FAM9B: variants seen among roughly 807,000 people sequenced by gnomAD.
The protein encoded by FAM9B is family with sequence similarity 9 member B, also known as protein FAM9B.
In FAM9B, 18 loss-of-function variants were observed where a neutral mutation model predicts 16.6. The observed-to-expected ratio is 1.09, with a 90% confidence interval of 0.75 to 1.61. FAM9B has a LOEUF of 1.61. Ranked by LOEUF, FAM9B falls within the 40% of genes most tolerant of loss-of-function variation. The probability of loss-of-function intolerance (pLI) is 0.00; values close to 1 mark genes in which losing one functional copy is unlikely to be tolerated. For missense variants in FAM9B, 155 were observed against 136.0 expected (o/e 1.14, Z -0.70); for synonymous variants, 43 against 42.6 (o/e 1.01, Z -0.03).
intron 2 of FAM9B, 38 bp downstream of exon 2, chrX:9,032,921 C>A: frequency 8.3e-7 from 1 of 1,206,077 alleles, no homozygotes; most frequent in African/African-American, 1.7e-5. Flanking sequence ...TCCTCTTGGG[C>A]GTGCACCTTC....
At chrX:9,032,611 C>G in intron 2 of FAM9B, 150 bp from the exon 3 acceptor site, 1 of 900,006 alleles carries the variant, frequency 1.1e-6, no homozygotes, top group South Asian at 2.6e-5. Flanking sequence ...CATGGAATCA[C>G]CGGTTCCTGA....
intron 6 of FAM9B, 108 bp downstream of exon 6, chrX:9,029,199 C>G (rs1222416656): frequency 3.2e-6 from 2 of 633,099 alleles, no homozygotes; most frequent in African/African-American, 4.5e-5. Flanking sequence ...ACGGGCCCCC[C>G]TCTCTGGGCT....
chrX:9,029,501 T>C (rs1415666195), intron 5 of FAM9B, 83 bp from the exon 6 acceptor site: 74 of 592,302 alleles, frequency 1.2e-4, no homozygotes, highest in Non-Finnish European at 1.5e-4. Flanking sequence ...TGACTTGACA[T>C]AATTTATACT....
At chrX:9,033,222 C>T in intron 1 of FAM9B, 147 bp from the exon 2 acceptor site, 1 of 1,119,576 alleles carries the variant, frequency 8.9e-7, no homozygotes, top group Non-Finnish European at 1.2e-6. Context: ...ATGCCAGTGT[C>T]CCCTCCTGTC....
At position 9,032,870 on chromosome X, in the gene FAM9B, G is replaced by C. The variant is rs375803513; in HGVS notation, c.28+89C>G. On this transcript the variant is annotated intron_variant, in intron 2 of 8. Transcript: ENST00000327220. ...GAGCCACGAAGGGGCCTGGGGCCTC[G>C]GGCTGCCCCTGTGCCCCCAGCGCAG... 1.7e-5 allele frequency: 19 copies of C among 1,134,387 alleles called. No individual in the cohort carries two copies. In the East Asian group the frequency reaches 2.1e-4, roughly 13 times the overall value. 93.5% of individuals were successfully genotyped at this position (1,134,387 alleles called of 1,213,427 possible).
Position 9,029,442 on chromosome X carries a change from G to A in FAM9B, c.282-24C>T, listed in dbSNP as rs190526660. 2.4e-3 allele frequency: 2,537 copies of A among 1,036,480 alleles called. 3 individuals are homozygous for A. Among genetic ancestry groups the A allele is most frequent in the Non-Finnish European group, 2.9e-3 (2,159 of 742,531 alleles). The allele number at this position is 1,036,480 out of a possible 1,213,427, so 85.4% of individuals were successfully genotyped here. Reference sequence around the variant, plus strand: ...GCCTGTAACACATAATAAGTAACACGGTCATACGTCATAGAGAGATGAAAA... The same window carrying A: ...GCCTGTAACACATAATAAGTAACACAGTCATACGTCATAGAGAGATGAAAA... On this transcript the variant is annotated intron_variant, in intron 5 of 8. Transcript: ENST00000327220.
chrX:9,031,349 C>T (rs952395082), intron 4 of FAM9B: 1 of 111,678 alleles, frequency 9.0e-6, no homozygotes, highest in African/African-American at 3.3e-5. Flanking sequence ...ATATTTCACA[C>T]AGCAATATAA....
rs1484775023 is a variant in FAM9B, at chrX:9,029,362, A to T, written c.338T>A (p.Ile113Asn). The T allele has an allele frequency of 8.3e-7, 1 of 1,209,873 alleles. No individual in the cohort carries two copies. Among genetic ancestry groups the T allele is most frequent in the East Asian group, 3.0e-5 (1 of 33,808 alleles). ...LKLLNVLEEY[I>N]TDEQKEEEEE... is the part of the protein sequence containing the mutation. ...TTCTTCCTCTTTCTGCTCGTCTGTG[A>T]TGTATTCTTCAAGGACATTTAGCAA... Residue 113 changes from isoleucine (I) to asparagine (N), a missense_variant, in exon 6 of 9, where the codon ATC (isoleucine) becomes AAC (asparagine). Transcript: ENST00000327220.
chrX:9,034,059 A>C lies in FAM9B; in HGVS notation c.-297T>G. On this transcript the variant is annotated 5_prime_UTR_variant, in exon 1 of 9. Transcript: ENST00000327220. ...CCGTCCCAAAAAAAACAAAACAAAA[A>C]AACAAAAAAAAAGAAAAGTAAAGAA... 4.4e-6 allele frequency: 1 copy of C among 226,832 alleles called. No individual in the cohort carries two copies. The highest frequency in any genetic ancestry group is 6.4e-6 in the Non-Finnish European group (1 of 157,153). 18.7% of individuals were successfully genotyped at this position (226,832 alleles called of 1,213,427 possible). A position where few individuals can be genotyped will look rare whatever the true frequency, so the allele number is the denominator to read the frequency against.
chrX:9,032,516 A>AT lies in FAM9B; in HGVS notation c.29-56dup, dbSNP rs2146825444. ...TTTAGAGGAAGATGCTGCTGTGGAC[A>AT]TTTTTTGTGGAGAAATGTACTAGTT... On this transcript the variant is annotated intron_variant, in intron 2 of 8. Coordinates refer to ENST00000327220, the MANE Select transcript of FAM9B (RefSeq NM_205849.3). The AT allele has an allele frequency of 5.4e-6, 5 of 930,125 alleles. No individual in the cohort carries two copies. The South Asian group carries it at 6.9e-5, about 13-fold the overall frequency. 76.7% of individuals were successfully genotyped at this position (930,125 alleles called of 1,213,427 possible).
rs369622727 is a variant in FAM9B at position 9,025,905 on chromosome X, A to AT, written c.493-323dup. 9.7e-4 allele frequency among the ~76,000 whole-genome samples: 108 copies of AT among 111,148 alleles called. 1 individual carries two copies. In the East Asian group the frequency reaches 0.023, roughly 24 times the overall value. On this transcript the variant is annotated intron_variant, in intron 7 of 8. Transcript: ENST00000327220. ...GCAGGCTTATATCATGAAATATTAT[A>AT]TTTTTTTTCAGCAGGTAGCGACCCA...
intron 2 of FAM9B, 104 bp from the exon 3 acceptor site, chrX:9,032,565 G>GT: frequency 2.7e-6 from 1 of 374,100 alleles, no homozygotes. Context: ...GGGGGGGGGG[G>GT]CTCTCTGCCA....
In FAM9B at chrX:9,032,132, G is replaced by C; in HGVS notation, c.179C>G (p.Ala60Gly). 1 of 1,205,529 alleles carries C rather than the reference G, an allele frequency of 8.3e-7. No individual in the cohort carries two copies. Among genetic ancestry groups the C allele is most frequent in the Non-Finnish European group, 1.1e-6 (1 of 892,529 alleles). The change falls in exon 4 of 9, where the codon GCA becomes GGA. Residue 60 changes from alanine to glycine, a missense_variant and splice_region_variant. Physicochemically the swap from Ala to Gly is moderately conservative, Grantham distance 60 (BLOSUM62 0). Transcript: ENST00000327220. ...TACAGATAACTCCTAAAACATACCT[G>C]CAGTATCTTCTGGCTTCTTGGTATT... ...GANTKKPEDTAEDLTAKRKRM... is the reference protein window; with the variant it reads ...GANTKKPEDTGEDLTAKRKRM...
rs749912918 is a variant in FAM9B at position 9,027,860 on chromosome X, G to A, written c.492+8C>T. On this transcript the variant is annotated splice_region_variant and intron_variant, in intron 7 of 8. Coordinates refer to ENST00000327220, the MANE Select transcript of FAM9B (RefSeq NM_205849.3). ...TTATAATGTATTATGTTACCAAATA[G>A]AACAGACCTTTACGAATTGGTCACG... 8.4e-7 allele frequency: 1 copy of A among 1,190,449 alleles called. No homozygotes were observed. Among genetic ancestry groups the A allele is most frequent in the Non-Finnish European group, 1.1e-6 (1 of 876,406 alleles).
At chrX:9,027,381 A>T (rs1920977057) in intron 7 of FAM9B, among the ~76,000 whole-genome samples, 1 of 111,691 alleles carries the variant, frequency 9.0e-6, no homozygotes, top group African/African-American at 3.3e-5. Context: ...GGATTTATGG[A>T]CCTCTTGCCT....
At chrX:9,032,510 G>A (rs1344388141) in intron 2 of FAM9B, 49 bp from the exon 3 acceptor site, 11 of 1,021,628 alleles carry the variant, frequency 1.1e-5, no homozygotes, top group Admixed American at 2.7e-5. Context: ...AGATGCTGCT[G>A]TGGACATTTT....
intron 7 of FAM9B, among the ~76,000 whole-genome samples, chrX:9,027,024 G>T (rs1038384056): frequency 2.7e-5 from 3 of 111,626 alleles, no homozygotes; most frequent in African/African-American, 9.8e-5. Context: ...AAGAATACCA[G>T]ATCTCCCCAA....
chrX:9,033,706 C>A, intron 1 of FAM9B, 146 bp downstream of exon 1: 14 of 664,672 alleles, frequency 2.1e-5, no homozygotes, highest in Non-Finnish European at 2.5e-5. Flanking sequence ...CCCTAGCCCA[C>A]CCTCAGGGCC....
chrX:9,033,742 C>T (rs1266865920), intron 1 of FAM9B, 110 bp downstream of exon 1: 2 of 736,824 alleles, frequency 2.7e-6, no homozygotes, highest in African/African-American at 2.6e-5. Flanking sequence ...CCCCAGGCGA[C>T]GACGCTGGGG....
Sources: gnomAD v4.1 joint callset for allele counts (sites outside exome capture counted in the v4.1 genomes callset) on GRCh38, gnomAD v4.1.1 for gene constraint, MANE v1.5 for transcripts, NCBI Gene and HGNC (gene_info 2026-07-23, HGNC 2026-07-21) for gene names.